PLCB1: variants seen among roughly 807,000 people sequenced by gnomAD.
The protein encoded by PLCB1 is 1-phosphatidylinositol 4,5-bisphosphate phosphodiesterase beta-1.
Under a neutral mutation model 161.8 loss-of-function variants are expected in PLCB1, and 46 were observed. The observed-to-expected ratio is 0.28, with a 90% CI of 0.22 to 0.36. PLCB1 has a LOEUF of 0.36. Ranked by LOEUF, PLCB1 falls within the 10% of genes least tolerant of loss-of-function variation. PLCB1 has a pLI of 1.00. For missense variants in PLCB1, 1,016 were observed against 1,472.5 expected, an observed-to-expected ratio of 0.69 and a Z score of 5.07; for synonymous variants, 517 against 503.7, an observed-to-expected ratio of 1.03 and a Z score of -0.35.
intron 31 of PLCB1, among the ~76,000 whole-genome samples, chr20:8,845,004 C>T (rs1986639931): frequency 6.6e-6 from 1 of 151,928 alleles, no homozygotes; most frequent in African/African-American, 2.4e-5. Context: ...GTCCCAGCTA[C>T]TCGGGAGGCT....
intron 2 of PLCB1, among the ~76,000 whole-genome samples, chr20:8,321,537 T>C (rs1294656153): frequency 6.6e-6 from 1 of 152,170 alleles, no homozygotes; most frequent in African/African-American, 2.4e-5. Flanking sequence ...ATATGGGTCC[T>C]GGGATGGGAA....
chr20:8,534,830 G>A (rs1262463781), intron 3 of PLCB1, among the ~76,000 whole-genome samples: 1 of 152,132 alleles, frequency 6.6e-6, no homozygotes, highest in Non-Finnish European at 1.5e-5. Flanking sequence ...GACAGGTGTA[G>A]ACACAGGCTG....
intron 31 of PLCB1, among the ~76,000 whole-genome samples, chr20:8,810,173 G>GT (rs1285225487): frequency 6.6e-6 from 1 of 152,142 alleles, no homozygotes; most frequent in Non-Finnish European, 1.5e-5. Flanking sequence ...CTTTGAAAAT[G>GT]TAATACCATC....
intron 2 of PLCB1, among the ~76,000 whole-genome samples, chr20:8,341,045 C>T (rs1317065771): frequency 2.0e-5 from 3 of 152,182 alleles, no homozygotes; most frequent in African/African-American, 7.2e-5. Context: ...CAGAATCATG[C>T]TTGGGTATCA....
chr20:8,805,045 A>G (rs904796383), intron 31 of PLCB1, among the ~76,000 whole-genome samples: 5 of 151,068 alleles, frequency 3.3e-5, no homozygotes, highest in Admixed American at 2.6e-4. Context: ...ATAAAGGTAT[A>G]AAGCTGTCAT....
intron 31 of PLCB1, among the ~76,000 whole-genome samples, chr20:8,862,006 A>C (rs1987273050): frequency 6.6e-6 from 1 of 152,178 alleles, no homozygotes. Context: ...TTTCTTTAAA[A>C]TTGTATTTCC....
intron 3 of PLCB1, among the ~76,000 whole-genome samples, chr20:8,554,435 G>T (rs1304404943): frequency 6.6e-6 from 1 of 152,078 alleles, no homozygotes; most frequent in Non-Finnish European, 1.5e-5. Context: ...AAATAAAAAT[G>T]AATTGCTAAT....
intron 2 of PLCB1, among the ~76,000 whole-genome samples, chr20:8,368,537 A>G (rs1986796479): frequency 6.6e-6 from 1 of 151,098 alleles, no homozygotes; most frequent in South Asian, 2.1e-4. Flanking sequence ...TCAAAAAAAA[A>G]AAAAAAAAAA....
intron 3 of PLCB1, among the ~76,000 whole-genome samples, chr20:8,620,831 AG>A (rs1310201243): frequency 1.3e-5 from 2 of 151,990 alleles, no homozygotes; most frequent in African/African-American, 4.8e-5. Flanking sequence ...AAAAGCTCAC[AG>A]CATAGATGAT....
At chr20:8,333,494 G>C (rs1247347687) in intron 2 of PLCB1, among the ~76,000 whole-genome samples, 2 of 152,004 alleles carry the variant, frequency 1.3e-5, no homozygotes, top group African/African-American at 4.8e-5. Context: ...TTCCAACTAG[G>C]GGCAATATTG....
Position 8,459,352 on chromosome 20 carries a change from A to G in PLCB1, c.246+87902A>G, listed in dbSNP as rs547511536. 7.9e-5 allele frequency among the ~76,000 whole-genome samples: 12 copies of G among 152,266 alleles called. No homozygotes were observed. In the South Asian group the frequency reaches 1.9e-3, roughly 24 times the overall value. ...GATCCTGGCGAGTCCTTAAATAATA[A>G]ATTATTGAAGTTGAATGCTTAATTA... On this transcript the variant is annotated intron_variant, in intron 3 of 31. Transcript: ENST00000338037.
chr20:8,164,044 T>C (rs1256854431), intron 2 of PLCB1, among the ~76,000 whole-genome samples: 3 of 152,300 alleles, frequency 2.0e-5, no homozygotes, highest in East Asian at 1.9e-4. Context: ...GCAATTATGC[T>C]CCAATCCCAA....
Position 8,191,860 on chromosome 20 carries a change from A to T in PLCB1, c.177+41489A>T, listed in dbSNP as rs76557907. Among the ~76,000 whole-genome samples the T allele has an allele frequency of 5.5e-3, 839 of 152,086 alleles. 7 individuals are homozygous for T. The highest frequency in any genetic ancestry group is 0.019 in the African/African-American group (790 of 41,512). ...TGTCTTGTTTTTCCTAATGACTTCC[A>T]AAGGTGATGATTACTGGCACTTACT... is the stretch of plus-strand genomic sequence containing the variant. On this transcript the variant is annotated intron_variant, in intron 2 of 31. Coordinates refer to ENST00000338037, the MANE Select transcript of PLCB1 (RefSeq NM_015192.4).
At chr20:8,490,605 A>C (rs947350430) in intron 3 of PLCB1, among the ~76,000 whole-genome samples, 1 of 152,270 alleles carries the variant, frequency 6.6e-6, no homozygotes, top group East Asian at 1.9e-4. Context: ...TGAGACTTTC[A>C]GTTGCTCCAC....
At chr20:8,550,243 G>T (rs1377190421) in intron 3 of PLCB1, among the ~76,000 whole-genome samples, 1 of 152,150 alleles carries the variant, frequency 6.6e-6, no homozygotes, top group African/African-American at 2.4e-5. Flanking sequence ...GTTTTGAAAT[G>T]TGAGGACATG....
chr20:8,358,312 G>A (rs1477225282), intron 2 of PLCB1, among the ~76,000 whole-genome samples: 2 of 152,140 alleles, frequency 1.3e-5, no homozygotes, highest in African/African-American at 4.8e-5. Flanking sequence ...GCAATGGCAT[G>A]ATCTCGGCTC....
At chr20:8,402,717 C>T (rs1412016850) in intron 3 of PLCB1, among the ~76,000 whole-genome samples, 4 of 150,184 alleles carry the variant, frequency 2.7e-5, no homozygotes, top group African/African-American at 7.3e-5. Flanking sequence ...TGGTGGTGGG[C>T]GCCTGTAGTC....
chr20:8,224,355 T>A (rs1299147174), intron 2 of PLCB1, among the ~76,000 whole-genome samples: 4 of 144,792 alleles, frequency 2.8e-5, no homozygotes, highest in Non-Finnish European at 4.6e-5. Context: ...ACTTTGAATT[T>A]TGAGAATAGA....
intron 4 of PLCB1, among the ~76,000 whole-genome samples, chr20:8,632,486 G>C (rs767444537): frequency 6.6e-6 from 1 of 152,128 alleles, no homozygotes; most frequent in Non-Finnish European, 1.5e-5. Flanking sequence ...TAGTGTGGGA[G>C]ACACAATAAG....
Sources: allele counts gnomAD v4.1 joint callset (sites outside exome capture counted in the v4.1 genomes callset), GRCh38; gene constraint gnomAD v4.1.1; transcripts MANE v1.5; gene names NCBI Gene and HGNC (gene_info 2026-07-23, HGNC 2026-07-21).